The following BFAR variants were observed in gnomAD, a reference collection of about 807,000 sequenced individuals.
The protein encoded by BFAR is RING finger protein 47.
In BFAR, 52 loss-of-function variants were observed where a neutral mutation model predicts 54.4. The observed-to-expected ratio is 0.96, with a 90% CI of 0.77 to 1.21. The LOEUF is 1.21. BFAR is among the 50% of genes most tolerant of loss of function. The pLI, the probability that BFAR is intolerant of heterozygous loss-of-function variation, is 0.00. For missense variants in BFAR, 571 were observed against 534.0 expected (o/e 1.07, Z -0.68); for synonymous variants, 215 against 204.3 (o/e 1.05, Z -0.45).
In BFAR at chr16:14,642,125, G is replaced by A. The variant is rs8059019; in HGVS notation, c.-73-2149G>A. ...CCACTGTGCCTCCAGAGCATGAAGCGTGAGCCCTTCCCTGCATGGCCAGTG... is the reference window on the plus strand; with the variant it reads ...CCACTGTGCCTCCAGAGCATGAAGCATGAGCCCTTCCCTGCATGGCCAGTG... On this transcript the variant is annotated intron_variant, in intron 1 of 7. Coordinates refer to ENST00000261658, the MANE Select transcript of BFAR (RefSeq NM_016561.3). 9.3e-3 allele frequency among the ~76,000 whole-genome samples: 1,409 copies of A among 152,304 alleles called. 23 individuals are homozygous for A. Among genetic ancestry groups the A allele is most frequent in the African/African-American group, 0.032 (1,316 of 41,564 alleles).
At chr16:14,645,825 T>TA (rs1442611168) in intron 2 of BFAR, among the ~76,000 whole-genome samples, 3 of 152,168 alleles carry the variant, frequency 2.0e-5, no homozygotes, top group African/African-American at 7.2e-5. Flanking sequence ...TTTAATAACA[T>TA]AAGATACATA....
At chr16:14,655,248 TA>T (rs1567492173) in intron 5 of BFAR, 38 bp downstream of exon 5, 2 of 1,258,128 alleles carry the variant, frequency 1.6e-6, no homozygotes, top group Non-Finnish European at 2.1e-6. Context: ...TTTTACTTTT[TA>T]TTTTTATTTT....
intron 2 of BFAR, among the ~76,000 whole-genome samples, chr16:14,645,333 A>G (rs1052465314): frequency 6.6e-6 from 1 of 152,104 alleles, no homozygotes; most frequent in African/African-American, 2.4e-5. Context: ...GAAAGAAAGA[A>G]AGAAAGCAAA....
intron 2 of BFAR, 51 bp downstream of exon 2, chr16:14,644,660 C>T: frequency 7.0e-7 from 1 of 1,435,484 alleles, no homozygotes; most frequent in Non-Finnish European, 9.5e-7. Context: ...AATGTGGTTT[C>T]TCTCTTGCTT....
intron 1 of BFAR, among the ~76,000 whole-genome samples, chr16:14,633,847 T>C (rs1448288922): frequency 6.6e-6 from 1 of 152,088 alleles, no homozygotes; most frequent in Non-Finnish European, 1.5e-5. Flanking sequence ...GAGACGGGGT[T>C]TCACCATGTT....
chr16:14,640,923 T>G (rs1033815544), intron 1 of BFAR, among the ~76,000 whole-genome samples: 23 of 152,216 alleles, frequency 1.5e-4, no homozygotes, highest in African/African-American at 5.3e-4. Flanking sequence ...AGATACCAGT[T>G]GTAGACCCAA....
chr16:14,666,571 CAAAA>C (rs1960446909), intron 7 of BFAR, among the ~76,000 whole-genome samples: 1 of 151,968 alleles, frequency 6.6e-6, no homozygotes, highest in Non-Finnish European at 1.5e-5. Flanking sequence ...GAGTCCATCT[CAAAA>C]AACCCCCAAA....
At chr16:14,661,723 A>G (rs768583419) in intron 5 of BFAR, among the ~76,000 whole-genome samples, 169 bp from the exon 6 acceptor site, 5 of 152,122 alleles carry the variant, frequency 3.3e-5, no homozygotes, top group Admixed American at 6.6e-5. Context: ...TCTTTATACA[A>G]TGTAACCCCA....
chr16:14,655,549 C>G (rs1190668834), intron 5 of BFAR, among the ~76,000 whole-genome samples: 2 of 151,328 alleles, frequency 1.3e-5, no homozygotes, highest in Admixed American at 6.6e-5. Context: ...TTCTCCTACC[C>G]CAGCCTCACC....
At chr16:14,635,798 A>G (rs1959414999) in intron 1 of BFAR, among the ~76,000 whole-genome samples, 1 of 151,390 alleles carries the variant, frequency 6.6e-6, no homozygotes. Flanking sequence ...CACCCAGCTA[A>G]TTTTAATATT....
Position 14,644,604 on chromosome 16 carries a change from C to T in BFAR, c.258C>T (p.Leu86=). The part of the protein sequence containing the change: ...KWEGFPKVSI[L]LRDAIEKLFP... ...AAGGTTTCCCCAAAGTCAGTATTCT[C>T]CTCAGGTAATGTTCAGCCTATATTG... Residue 86 remains leucine (L), a synonymous_variant, in exon 2 of 8, where the codon CTC becomes CTT. Transcript: ENST00000261658. 2.5e-6 allele frequency: 4 copies of T among 1,612,622 alleles called. No homozygotes were observed. Among genetic ancestry groups the T allele is most frequent in the Non-Finnish European group, 3.4e-6 (4 of 1,179,926 alleles).
At chr16:14,665,099 C>G in intron 7 of BFAR, 28 bp downstream of exon 7, 1 of 1,565,350 alleles carries the variant, frequency 6.4e-7, no homozygotes, top group Non-Finnish European at 8.8e-7. Flanking sequence ...GTTGTCACAA[C>G]AGGGGATGGG....
intron 1 of BFAR, among the ~76,000 whole-genome samples, chr16:14,641,091 A>C (rs943194948): frequency 1.3e-5 from 2 of 152,186 alleles, no homozygotes; most frequent in Non-Finnish European, 2.9e-5. Context: ...CATTCTTCCC[A>C]TTCGTTTTTG....
At chr16:14,648,664 A>C (rs1959876689) in intron 3 of BFAR, 72 bp downstream of exon 3, 2 of 1,095,270 alleles carry the variant, frequency 1.8e-6, no homozygotes, top group Non-Finnish European at 1.3e-6. Flanking sequence ...CACTGAAGTC[A>C]GTTCTGTTGA....
At chr16:14,667,475 G>T in intron 7 of BFAR, 160 bp from the exon 8 acceptor site, 3 of 665,854 alleles carry the variant, frequency 4.5e-6, no homozygotes, top group Middle Eastern at 4.2e-4. Context: ...TAAAAGATGG[G>T]TTGAGTAGGC....
chr16:14,651,996 C>T (rs1363009538), intron 4 of BFAR, among the ~76,000 whole-genome samples: 3 of 150,930 alleles, frequency 2.0e-5, no homozygotes, highest in Non-Finnish European at 4.4e-5. Context: ...AAGCGATTCT[C>T]CTGCCTCAGC....
chr16:14,659,632 G>A (rs1025146024), intron 5 of BFAR, among the ~76,000 whole-genome samples: 2 of 149,852 alleles, frequency 1.3e-5, no homozygotes, highest in Non-Finnish European at 3.0e-5. Context: ...CTCACTGCAA[G>A]CTCCGCCTCC....
At chr16:14,651,849 C>G (rs1366945914) in intron 4 of BFAR, among the ~76,000 whole-genome samples, 4 of 148,390 alleles carry the variant, frequency 2.7e-5, no homozygotes, top group African/African-American at 9.9e-5. Context: ...AGCAGGAGGT[C>G]AGATGCCTGT....
intron 1 of BFAR, among the ~76,000 whole-genome samples, chr16:14,635,117 T>C (rs1959392318): frequency 6.6e-6 from 1 of 152,200 alleles, no homozygotes; most frequent in African/African-American, 2.4e-5. Context: ...GGCAGATTGC[T>C]TGAGCTCAGG....
Sources: allele counts gnomAD v4.1 joint callset (sites outside exome capture counted in the v4.1 genomes callset), GRCh38; gene constraint gnomAD v4.1.1; transcripts MANE v1.5; gene names NCBI Gene and HGNC (gene_info 2026-07-23, HGNC 2026-07-21).